The following BLTP3B variants were observed in gnomAD, a reference collection of about 807,000 sequenced individuals.
BLTP3B encodes the protein bridge-like lipid transfer protein family member 3B.
chr12:100,124,864 T>C, the BLTP3B span, among the ~76,000 whole-genome samples: 2 of 145,776 alleles, frequency 1.4e-5, no homozygotes, highest in South Asian at 2.2e-4. Context: ...AAAAGTTGCA[T>C]TGAGTTATGA....
chr12:100,120,967 C>T, the BLTP3B span, among the ~76,000 whole-genome samples: 84 of 152,188 alleles, frequency 5.5e-4, 1 homozygote, highest in African/African-American at 1.7e-3. Flanking sequence ...TAAGAATGTA[C>T]ACATACGATA....
At chr12:100,072,879 C>A in the BLTP3B span, 1 of 1,497,302 alleles carries the variant, frequency 6.7e-7, no homozygotes. Context: ...ATTTATGCAA[C>A]CCAGACAGTA....
the BLTP3B span, among the ~76,000 whole-genome samples, chr12:100,075,116 A>G: frequency 6.6e-6 from 1 of 151,918 alleles, no homozygotes. Context: ...GGTTCAAGCA[A>G]TTCTCCTGCC....
chr12:100,108,148 T>G, the BLTP3B span, among the ~76,000 whole-genome samples: 1 of 152,216 alleles, frequency 6.6e-6, no homozygotes, highest in South Asian at 2.1e-4. Context: ...AATTAATAAT[T>G]TTGAAATATT....
At chr12:100,067,300 C>T in the BLTP3B span, among the ~76,000 whole-genome samples, 95 of 151,986 alleles carry the variant, frequency 6.3e-4, no homozygotes, top group South Asian at 1.9e-3. Flanking sequence ...CAAGAACAAA[C>T]CAAACCCAAA....
At chr12:100,140,729 A>AAAAAAAATAT in the BLTP3B span, among the ~76,000 whole-genome samples, 1 of 61,506 alleles carries the variant, frequency 1.6e-5, no homozygotes, top group Non-Finnish European at 2.6e-5. Context: ...AAAAAAAAAA[A>AAAAAAAATAT]ATATATATAT....
chr12:100,092,829 GATGGTAAT>G, the BLTP3B span: 1 of 874,524 alleles, frequency 1.1e-6, no homozygotes, highest in Non-Finnish European at 1.4e-6. Flanking sequence ...TTATGTCTAT[GATGGTAAT>G]ATTGCAAAAT....
the BLTP3B span, among the ~76,000 whole-genome samples, chr12:100,100,908 C>T: frequency 2.6e-5 from 4 of 151,978 alleles, no homozygotes; most frequent in African/African-American, 9.7e-5. Flanking sequence ...AATAGATTAA[C>T]CATACTGCCA....
chr12:100,108,706 G>A, the BLTP3B span, among the ~76,000 whole-genome samples: 2 of 152,090 alleles, frequency 1.3e-5, no homozygotes, highest in African/African-American at 2.4e-5. Flanking sequence ...ACATATACAC[G>A]ATGGAGTATT....
At chr12:100,050,991 T>C in the BLTP3B span, 1 of 1,531,276 alleles carries the variant, frequency 6.5e-7, no homozygotes, top group Non-Finnish European at 8.8e-7. Context: ...TCATTTTATA[T>C]ATGAATGTCT....
the BLTP3B span, among the ~76,000 whole-genome samples, chr12:100,046,413 C>G: frequency 6.6e-6 from 1 of 152,156 alleles, no homozygotes; most frequent in African/African-American, 2.4e-5. Context: ...AGGGTGACTT[C>G]ATGTCCTTTG....
the BLTP3B span, among the ~76,000 whole-genome samples, chr12:100,081,182 G>A: frequency 5.3e-5 from 8 of 152,080 alleles, no homozygotes; most frequent in African/African-American, 1.4e-4. Flanking sequence ...GCCCAGTCTC[G>A]GGTATGTCTT....
the BLTP3B span, among the ~76,000 whole-genome samples, chr12:100,041,914 T>G: frequency 2.0e-5 from 3 of 152,074 alleles, no homozygotes; most frequent in Non-Finnish European, 4.4e-5. Flanking sequence ...AATAATCAAG[T>G]TCAGTGAGGT....
At chr12:100,074,551 A>G in the BLTP3B span, among the ~76,000 whole-genome samples, 1,143 of 150,540 alleles carry the variant, frequency 7.6e-3, 12 homozygotes, top group African/African-American at 0.027. Flanking sequence ...GTGAGCTAAC[A>G]CCACTGTATT....
the BLTP3B span, chr12:100,083,131 T>A: frequency 6.2e-7 from 1 of 1,608,766 alleles, no homozygotes; most frequent in Non-Finnish European, 8.5e-7. Flanking sequence ...AGGGTAGTCC[T>A]TCTCTGTTGG....
the BLTP3B span, chr12:100,098,396 C>T: frequency 1.2e-6 from 2 of 1,612,758 alleles, no homozygotes; most frequent in Admixed American, 1.7e-5. Context: ...CTCAAATCTC[C>T]ATGTTCCCAG....
At chr12:100,039,886 A>C in the BLTP3B span, 5 of 1,107,320 alleles carry the variant, frequency 4.5e-6, no homozygotes, top group Non-Finnish European at 6.2e-6. Flanking sequence ...CTAAATATCT[A>C]TATATATTAG....
chr12:100,094,828 C>A, the BLTP3B span, among the ~76,000 whole-genome samples: 1 of 152,138 alleles, frequency 6.6e-6, no homozygotes, highest in African/African-American at 2.4e-5. Flanking sequence ...CCAGTGAACT[C>A]CAGGTTGGGC....
At chr12:100,104,271 A>C in the BLTP3B span, among the ~76,000 whole-genome samples, 1,152 of 144,954 alleles carry the variant, frequency 7.9e-3, 13 homozygotes, top group African/African-American at 0.028. Context: ...GTGGCACGAT[A>C]TCGGCTCACT....
Sources: allele counts gnomAD v4.1 joint callset (sites outside exome capture counted in the v4.1 genomes callset), GRCh38; gene constraint gnomAD v4.1.1; transcripts MANE v1.5; gene names NCBI Gene and HGNC (gene_info 2026-07-23, HGNC 2026-07-21).